The following CCDC171 variants were observed in gnomAD, a reference collection of about 807,000 sequenced individuals.
The protein encoded by CCDC171 is coiled-coil domain-containing protein 171.
CCDC171 carries 177 observed loss-of-function variants against 168.2 expected under a neutral mutation model. The ratio of observed to expected loss-of-function variants is 1.05; its 90% CI spans 0.93 to 1.19. The LOEUF is 1.19. Among genes scored for constraint, CCDC171 ranks in the 50% most tolerant of loss-of-function variants. The probability of loss-of-function intolerance (pLI) is 0.00; values close to 1 mark genes in which losing one functional copy is unlikely to be tolerated. For synonymous variants in CCDC171, 687 were observed against 540.8 expected (o/e 1.27, Z -3.75); for missense variants, 1,991 against 1,539.0 (o/e 1.29, Z -4.91).
At chr9:15,995,704 G>T (rs1832348626) in intron 3 of CCDC171, among the ~76,000 whole-genome samples, 1 of 152,200 alleles carries the variant, frequency 6.6e-6, no homozygotes, top group Non-Finnish European at 1.5e-5. Context: ...GTTGCTTCAT[G>T]ATCAGCAGAT....
At chr9:15,622,427 A>G (rs919473250) in intron 6 of CCDC171, among the ~76,000 whole-genome samples, 4 of 152,228 alleles carry the variant, frequency 2.6e-5, no homozygotes, top group Non-Finnish European at 4.4e-5. Flanking sequence ...GATGTTTGTA[A>G]CATACTCAGA....
chr9:15,870,009 C>G (rs1026036499), intron 23 of CCDC171, among the ~76,000 whole-genome samples: 2 of 151,612 alleles, frequency 1.3e-5, no homozygotes, highest in East Asian at 3.9e-4. Flanking sequence ...ATATCTTAGG[C>G]TTGGTGAACC....
At chr9:15,669,240 T>G (rs563645861) in intron 9 of CCDC171, among the ~76,000 whole-genome samples, 1 of 152,290 alleles carries the variant, frequency 6.6e-6, no homozygotes, top group Non-Finnish European at 1.5e-5. Context: ...ATAATCAAAA[T>G]TTCTTAGAAT....
intron 14 of CCDC171, among the ~76,000 whole-genome samples, 185 bp from the exon 15 acceptor site, chr9:15,727,684 A>G (rs1176180334): frequency 6.6e-6 from 1 of 152,180 alleles, no homozygotes. Context: ...AAGTGTAAGC[A>G]ATTCCAAATG....
At chr9:15,828,165 T>A (rs1279667921) in intron 21 of CCDC171, among the ~76,000 whole-genome samples, 2 of 152,196 alleles carry the variant, frequency 1.3e-5, no homozygotes, top group Non-Finnish European at 2.9e-5. Context: ...CGTTTTGTTT[T>A]ATTTTGAGAT....
chr9:16,075,161 T>A, the CCDC171 span, among the ~76,000 whole-genome samples: 3 of 152,236 alleles, frequency 2.0e-5, no homozygotes, highest in Admixed American at 6.5e-5. Flanking sequence ...GATATTGGCA[T>A]GTCTCCCAGG....
At chr9:15,906,034 G>T (rs1822543912) in intron 24 of CCDC171, among the ~76,000 whole-genome samples, 1 of 151,876 alleles carries the variant, frequency 6.6e-6, no homozygotes, top group East Asian at 1.9e-4. Flanking sequence ...ATAATTATTA[G>T]CTTACCAACC....
chr9:15,825,087 AAC>A (rs770658794), intron 21 of CCDC171, among the ~76,000 whole-genome samples: 1 of 152,138 alleles, frequency 6.6e-6, no homozygotes, highest in Non-Finnish European at 1.5e-5. Context: ...AAAGAGAGTC[AAC>A]TTCAAATTTT....
chr9:15,817,594 T>A (rs951158834), intron 21 of CCDC171, among the ~76,000 whole-genome samples: 1 of 118,148 alleles, frequency 8.5e-6, no homozygotes, highest in African/African-American at 3.2e-5. Context: ...GCCTCGCTCA[T>A]TGCTAGCACA....
At chr9:15,650,092 C>T (rs1418302361) in intron 7 of CCDC171, among the ~76,000 whole-genome samples, 1 of 152,160 alleles carries the variant, frequency 6.6e-6, no homozygotes, top group Non-Finnish European at 1.5e-5. Context: ...AGTTCATGTC[C>T]TTTGTAGGGA....
At chr9:15,793,717 G>A (rs1375031658) in intron 21 of CCDC171, among the ~76,000 whole-genome samples, 1 of 151,538 alleles carries the variant, frequency 6.6e-6, no homozygotes, top group Non-Finnish European at 1.5e-5. Flanking sequence ...ACCTGGCTAA[G>A]TTTTATATTT....
downstream of CCDC171, among the ~76,000 whole-genome samples, chr9:15,975,736 G>T (rs1316724234): frequency 6.6e-6 from 1 of 152,132 alleles, no homozygotes; most frequent in African/African-American, 2.4e-5. Context: ...TAACTCCTAG[G>T]ATAAAGATTT....
chr9:15,591,287 A>C, intron 4 of CCDC171, 79 bp from the exon 5 acceptor site: 1 of 804,594 alleles, frequency 1.2e-6, no homozygotes, highest in Non-Finnish European at 2.0e-6. Context: ...AAATGATGTC[A>C]ACTCCAATGC....
chr9:15,840,934 T>A (rs2060653243), intron 21 of CCDC171, among the ~76,000 whole-genome samples: 1 of 152,124 alleles, frequency 6.6e-6, no homozygotes, highest in Non-Finnish European at 1.5e-5. Context: ...TTCCTTTTTA[T>A]TCCATTATAT....
intron 16 of CCDC171, among the ~76,000 whole-genome samples, chr9:15,734,990 A>G (rs963095977): frequency 5.9e-5 from 9 of 152,212 alleles, no homozygotes; most frequent in African/African-American, 1.9e-4. Context: ...GCAATTAGTA[A>G]AAGACACTAA....
At chr9:15,982,227 A>G (rs1831820572) in intron 3 of CCDC171, among the ~76,000 whole-genome samples, 1 of 152,190 alleles carries the variant, frequency 6.6e-6, no homozygotes, top group African/African-American at 2.4e-5. Flanking sequence ...AGAACTTCTC[A>G]GAATTTCAAT....
At chr9:15,970,934 A>G (rs1180680806) in intron 25 of CCDC171, among the ~76,000 whole-genome samples, 1 of 152,164 alleles carries the variant, frequency 6.6e-6, no homozygotes, top group Non-Finnish European at 1.5e-5. Flanking sequence ...TCATTTGTAC[A>G]CCGTACCTCA....
Position 15,587,695 on chromosome 9 carries a change from T to G in CCDC171, c.353-3671T>G, listed in dbSNP as rs537403155. ...ACCTTGAAGCTCAGATTCTAGGTGGTGGGTATATTAGTGTATAAACTGTAT... is the reference window on the plus strand; with the variant it reads ...ACCTTGAAGCTCAGATTCTAGGTGGGGGGTATATTAGTGTATAAACTGTAT... On this transcript the variant is annotated intron_variant, in intron 4 of 25. Coordinates refer to ENST00000380701, the MANE Select transcript of CCDC171 (RefSeq NM_173550.4). 1,656 of 456,584 alleles carry G rather than the reference T, an allele frequency of 3.6e-3. 10 individuals carry two copies. The highest frequency in any genetic ancestry group is 5.3e-3 in the Non-Finnish European group (1,203 of 226,932). The allele number at this position is 456,584 out of a possible 1,614,324, so 28.3% of individuals were successfully genotyped here.
intron 24 of CCDC171, among the ~76,000 whole-genome samples, chr9:15,909,968 TG>T (rs1345218519): frequency 6.6e-6 from 1 of 152,208 alleles, no homozygotes; most frequent in Non-Finnish European, 1.5e-5. Flanking sequence ...TCTCACCTTT[TG>T]TAATCTCCAA....
Sources: allele counts gnomAD v4.1 joint callset (sites outside exome capture counted in the v4.1 genomes callset), GRCh38; gene constraint gnomAD v4.1.1; transcripts MANE v1.5; gene names NCBI Gene and HGNC (gene_info 2026-07-23, HGNC 2026-07-21).